ROR1: variants seen among roughly 807,000 people sequenced by gnomAD.
ROR1 encodes ROR family WNT receptor 1.
Under a neutral mutation model 78.8 loss-of-function variants are expected in ROR1, and 19 were observed. The observed-to-expected ratio is 0.24, with a 90% CI of 0.17 to 0.35. The LOEUF (loss-of-function observed/expected upper bound fraction) is 0.35. Ranked by LOEUF, ROR1 falls within the 10% of genes least tolerant of loss-of-function variation. ROR1 has a pLI of 1.00. For missense variants in ROR1, 917 were observed against 1,177.8 expected (o/e 0.78, Z 3.24); for synonymous variants, 386 against 433.6 (o/e 0.89, Z 1.36).
At chr1:64,139,877 G>T (rs1011896457) in intron 5 of ROR1, among the ~76,000 whole-genome samples, 4 of 151,236 alleles carry the variant, frequency 2.6e-5, no homozygotes, top group African/African-American at 9.7e-5. Context: ...TTAGGAAATG[G>T]TACATATGTA....
chr1:64,070,870 G>A (rs908992442), intron 4 of ROR1, among the ~76,000 whole-genome samples: 1 of 152,228 alleles, frequency 6.6e-6, no homozygotes, highest in African/African-American at 2.4e-5. Context: ...TAATGTGTCA[G>A]AGAGTAATGT....
chr1:63,786,019 A>G (rs1644682777), intron 1 of ROR1, among the ~76,000 whole-genome samples: 1 of 151,938 alleles, frequency 6.6e-6, no homozygotes, highest in Non-Finnish European at 1.5e-5. Flanking sequence ...ACACGTGATA[A>G]CTAATGTCCT....
intron 4 of ROR1, among the ~76,000 whole-genome samples, chr1:64,079,507 T>C (rs834344): frequency 0.84 from 127,116 of 150,558 alleles, 54,119 homozygotes; most frequent in African/African-American, 0.95. Flanking sequence ...GAGTCTCGCT[T>C]TGTTGCCAGG....
chr1:63,788,785 T>TTATGGCGC (rs1644707220), intron 1 of ROR1: 1 of 578,446 alleles, frequency 1.7e-6, no homozygotes, highest in Non-Finnish European at 3.3e-6. Context: ...GAGGCACTCT[T>TTATGGCGC]TATGGCGCTT....
intron 4 of ROR1, among the ~76,000 whole-genome samples, chr1:64,089,668 C>T (rs1470618160): frequency 1.3e-5 from 2 of 152,070 alleles, no homozygotes; most frequent in Non-Finnish European, 2.9e-5. Context: ...TATATCTATA[C>T]TTTTCATAAG....
At chr1:63,888,087 T>G (rs855846) in intron 1 of ROR1, among the ~76,000 whole-genome samples, 5 of 152,122 alleles carry the variant, frequency 3.3e-5, no homozygotes, top group Non-Finnish European at 5.9e-5. Context: ...GACGGACTCT[T>G]GTGAACTGAA....
chr1:63,999,559 CT>C (rs141497574), intron 1 of ROR1, among the ~76,000 whole-genome samples: 6,511 of 152,140 alleles, frequency 0.043, 494 homozygotes, highest in African/African-American at 0.15. Context: ...TTGTTTGCTT[CT>C]CTGTGTTCCT....
At chr1:64,076,966 G>A (rs1647055088) in intron 4 of ROR1, among the ~76,000 whole-genome samples, 1 of 152,028 alleles carries the variant, frequency 6.6e-6, no homozygotes, top group South Asian at 2.1e-4. Flanking sequence ...ACTAATACAG[G>A]TATTTATAAG....
At chr1:64,121,154 C>T (rs1648524923) in intron 4 of ROR1, among the ~76,000 whole-genome samples, 1 of 135,880 alleles carries the variant, frequency 7.4e-6, no homozygotes, top group African/African-American at 2.8e-5. Context: ...CCTGTCTCCT[C>T]TCTTTCTTTC....
Position 63,833,980 on chromosome 1 carries a change from T to C in ROR1, c.91+59472T>C, listed in dbSNP as rs537749710. On this transcript the variant is annotated intron_variant, in intron 1 of 8. Transcript: ENST00000371079. Reference sequence around the variant, plus strand: ...GTCTCGAGGGCTTTTTTTTGACTTTTCTTCTTCTTCTTTTTTTTTTTTTTT... The same window carrying C: ...GTCTCGAGGGCTTTTTTTTGACTTTCCTTCTTCTTCTTTTTTTTTTTTTTT... Among the ~76,000 whole-genome samples the C allele has an allele frequency of 5.4e-5, 8 of 146,926 alleles. No homozygotes were observed. In the East Asian group the frequency reaches 1.6e-3, roughly 29 times the overall value.
chr1:64,168,366 C>CA (rs1650144331), intron 8 of ROR1, among the ~76,000 whole-genome samples: 1 of 151,988 alleles, frequency 6.6e-6, no homozygotes, highest in African/African-American at 2.4e-5. Flanking sequence ...TATAAGCATT[C>CA]AAAAAATCAT....
In ROR1 at chr1:63,989,259, G is replaced by A. The variant is rs11802775; in HGVS notation, c.92-20046G>A. 6.2e-3 allele frequency among the ~76,000 whole-genome samples: 928 copies of A among 148,870 alleles called. 9 individuals carry two copies. Among genetic ancestry groups the A allele is most frequent in the African/African-American group, 0.022 (896 of 40,728 alleles). Reference sequence around the variant, plus strand: ...AGCCACATACTAGGTGTGGGAATTTGAACAAATTATTTATTCTCTCTGAGC... The same window carrying A: ...AGCCACATACTAGGTGTGGGAATTTAAACAAATTATTTATTCTCTCTGAGC... On this transcript the variant is annotated intron_variant, in intron 1 of 8. Transcript: ENST00000371079.
At chr1:63,803,362 G>C (rs1430690852) in intron 1 of ROR1, among the ~76,000 whole-genome samples, 1 of 126,586 alleles carries the variant, frequency 7.9e-6, no homozygotes, top group Non-Finnish European at 1.7e-5. Flanking sequence ...TTTTTTTTTT[G>C]AGATGGACTC....
chr1:64,115,785 A>C (rs753646403), intron 4 of ROR1, among the ~76,000 whole-genome samples: 5 of 152,078 alleles, frequency 3.3e-5, no homozygotes, highest in Non-Finnish European at 5.9e-5. Context: ...GTGGAACTGG[A>C]TGTGAACTTG....
At chr1:63,816,849 C>A (rs897547260) in intron 1 of ROR1, among the ~76,000 whole-genome samples, 3 of 152,114 alleles carry the variant, frequency 2.0e-5, no homozygotes, top group African/African-American at 7.2e-5. Flanking sequence ...GTAAGAAAAA[C>A]CCCTTGCACC....
intron 1 of ROR1, among the ~76,000 whole-genome samples, chr1:63,855,613 G>A (rs188827912): frequency 3.3e-4 from 49 of 150,274 alleles, no homozygotes; most frequent in African/African-American, 1.1e-3. Flanking sequence ...ATTTTTCATC[G>A]CATACATTGT....
chr1:64,085,988 A>T (rs1315942842), intron 4 of ROR1, among the ~76,000 whole-genome samples: 1 of 152,284 alleles, frequency 6.6e-6, no homozygotes, highest in Admixed American at 6.5e-5. Flanking sequence ...TCCATCCCTT[A>T]TTCCCTGGAT....
chr1:63,819,111 G>A (rs1644909533), intron 1 of ROR1, among the ~76,000 whole-genome samples: 3 of 152,288 alleles, frequency 2.0e-5, no homozygotes, highest in African/African-American at 2.4e-5. Flanking sequence ...GGGGTGGGGA[G>A]ATGTTCTGCT....
intron 1 of ROR1, among the ~76,000 whole-genome samples, chr1:63,852,824 T>C (rs1645122666): frequency 6.6e-6 from 1 of 152,184 alleles, no homozygotes; most frequent in Non-Finnish European, 1.5e-5. Flanking sequence ...ACATTTGCAA[T>C]AGACTCCTGC....
Sources: gnomAD v4.1 joint callset for allele counts (sites outside exome capture counted in the v4.1 genomes callset) on GRCh38, gnomAD v4.1.1 for gene constraint, MANE v1.5 for transcripts, NCBI Gene and HGNC (gene_info 2026-07-23, HGNC 2026-07-21) for gene names.